Variants in SYTL2 observed in about 807,000 individuals in gnomAD.
SYTL2 encodes synaptotagmin like 2.
In SYTL2, 165 loss-of-function variants were observed where a neutral mutation model predicts 198.7. The ratio of observed to expected loss-of-function variants is 0.83; its 90% CI spans 0.73 to 0.94. SYTL2 has a LOEUF of 0.94. Ranked by LOEUF, SYTL2 falls within the 40% of genes least tolerant of loss-of-function variation. SYTL2 has a pLI of 0.00. For synonymous variants in SYTL2, 966 were observed against 917.7 expected (o/e 1.05, Z -0.95); for missense variants, 2,835 against 2,582.8 (o/e 1.10, Z -2.12).
Position 85,704,910 on chromosome 11 carries a change from T to C in SYTL2, c.6137A>G (p.Asp2046Gly). 1 of 1,613,790 alleles carries C rather than the reference T, an allele frequency of 6.2e-7. No homozygotes were observed. The highest frequency in any genetic ancestry group is 2.2e-5 in the East Asian group (1 of 44,858). ...TTGTTTATTCTGTTTGTTATCCCAG[T>C]CCCATGTTTCCAAATCAAGTTCCAC... ...GEVELDLETW[D>G]WDNKQNKQLR... Residue 2046 changes from aspartate to glycine, a missense_variant, in exon 16 of 20, where the codon GAC becomes GGC. Physicochemically the swap from Asp to Gly is moderately conservative, Grantham distance 94. Around this residue, in one of 3 missense-constraint regions of SYTL2, gnomAD observed 2,645 missense variants for 2,381.7 expected, o/e 1.11. Transcript: ENST00000359152.
At chr11:85,777,844 G>A (rs539087620) in intron 1 of SYTL2, among the ~76,000 whole-genome samples, 6 of 48,410 alleles carry the variant, frequency 1.2e-4, no homozygotes, top group South Asian at 5.7e-4. Context: ...TTTTGAGACC[G>A]AGTTTTGCTC....
chr11:85,783,003 C>T (rs1307831335), intron 1 of SYTL2, among the ~76,000 whole-genome samples: 1 of 152,232 alleles, frequency 6.6e-6, no homozygotes, highest in East Asian at 1.9e-4. Context: ...CTGTCTGTTA[C>T]ACAGTTCCAA....
At chr11:85,729,369 A>C (rs647175) in intron 7 of SYTL2, among the ~76,000 whole-genome samples, 105,516 of 152,070 alleles carry the variant, frequency 0.69, 37,348 homozygotes, top group African/African-American at 0.83. Flanking sequence ...ATGCAAAAGA[A>C]TAGAAATAAT....
rs188331567 is a variant in SYTL2, at chr11:85,774,241, T to A, written c.-389-16127A>T. 1.0e-3 allele frequency among the ~76,000 whole-genome samples: 152 copies of A among 152,340 alleles called. 1 individual carries two copies. The highest frequency in any genetic ancestry group is 3.5e-3 in the African/African-American group (145 of 41,574). On this transcript the variant is annotated intron_variant, in intron 1 of 19. Coordinates refer to ENST00000359152, the MANE Select transcript of SYTL2 (RefSeq NM_206927.4). ...TGACATTTAATCTTTCTCCAATACC[T>A]TTTTTAATCTTTACACACATTTTCT...
the SYTL2 span, among the ~76,000 whole-genome samples, chr11:85,839,399 G>A: frequency 6.6e-6 from 1 of 152,136 alleles, no homozygotes; most frequent in Non-Finnish European, 1.5e-5. Context: ...CCTCCCAGCA[G>A]CACATCTGAA....
chr11:85,796,316 A>C (rs1183845130), intron 1 of SYTL2, among the ~76,000 whole-genome samples: 2 of 152,212 alleles, frequency 1.3e-5, no homozygotes, highest in Admixed American at 6.5e-5. Context: ...CACCCAGCTG[A>C]TATCTGACAC....
In SYTL2 at chr11:85,724,053, C is replaced by G; in HGVS notation, c.5305G>C (p.Glu1769Gln). The G allele has an allele frequency of 6.6e-7, 1 of 1,503,920 alleles. No homozygotes were observed. The highest frequency in any genetic ancestry group is 8.8e-7 in the Non-Finnish European group (1 of 1,134,324). The allele number at this position is 1,503,920 out of a possible 1,614,324, so 93.2% of individuals were successfully genotyped here. Residue 1769 changes from glutamate to glutamine, a missense_variant, in exon 8 of 20, where the codon GAG becomes CAG. Physicochemically the swap from Glu to Gln is conservative, Grantham distance 29. Around this residue, in one of 3 missense-constraint regions of SYTL2, gnomAD observed 2,645 missense variants for 2,381.7 expected, o/e 1.11. Coordinates refer to ENST00000359152, the MANE Select transcript of SYTL2 (RefSeq NM_206927.4). ...FSDGNTSSNA[E>Q]SWRNPSSSEE... ...TCACTGGAAGGATTTCTCCAGCTCT[C>G]TGCATTAGAACTGGTGTTTCCATCT... is the stretch of plus-strand genomic sequence containing the variant.
the SYTL2 span, among the ~76,000 whole-genome samples, chr11:85,850,113 C>A: frequency 1.4e-5 from 2 of 146,406 alleles, no homozygotes; most frequent in Admixed American, 1.4e-4. Context: ...TATAAGAATG[C>A]TTGTGATTTT....
intron 2 of SYTL2, among the ~76,000 whole-genome samples, chr11:85,754,501 TA>T (rs2091741007): frequency 6.6e-6 from 1 of 152,204 alleles, no homozygotes; most frequent in Admixed American, 6.5e-5. Context: ...GATTAAAAAT[TA>T]TTTTTAATTT....
In SYTL2 at chr11:85,725,128, G is replaced by T; in HGVS notation, c.4230C>A (p.Pro1410=). Residue 1410 remains proline (P), a synonymous_variant, in exon 8 of 20, where the codon CCC becomes CCA. Transcript: ENST00000359152. ...GTGATATCACTCCTGGAGGATTTAG[G>T]GGGCTACATACTGGCTGTACTGCTT... The part of the protein sequence containing the change: ...FPEAVQPVCS[P]LNPPGVISPW... 1 of 1,614,092 alleles carries T rather than the reference G, an allele frequency of 6.2e-7. No individual in the cohort carries two copies. Among genetic ancestry groups the T allele is most frequent in the Non-Finnish European group, 8.5e-7 (1 of 1,179,978 alleles).
intron 14 of SYTL2, among the ~76,000 whole-genome samples, chr11:85,708,531 T>C (rs1389795300): frequency 1.3e-5 from 2 of 152,176 alleles, no homozygotes; most frequent in East Asian, 3.8e-4. Context: ...TTTTAGTAAT[T>C]TCCCCTAAAG....
chr11:85,847,132 T>C, the SYTL2 span, among the ~76,000 whole-genome samples: 1 of 152,224 alleles, frequency 6.6e-6, no homozygotes, highest in Non-Finnish European at 1.5e-5. Flanking sequence ...TTAACAAATC[T>C]ATACACCCTT....
At chr11:85,812,347 C>G (rs562228058), upstream of SYTL2, among the ~76,000 whole-genome samples, 8 of 152,288 alleles carry the variant, frequency 5.3e-5, no homozygotes, top group Non-Finnish European at 8.8e-5. Flanking sequence ...TCAGTTAGTG[C>G]CCAGTGCAGG....
At chr11:85,848,895 GA>G in the SYTL2 span, among the ~76,000 whole-genome samples, 293 of 151,536 alleles carry the variant, frequency 1.9e-3, 1 homozygote, top group African/African-American at 6.8e-3. Flanking sequence ...AAGTAAGAAG[GA>G]AAAAAAAGAC....
At chr11:85,842,402 C>T in the SYTL2 span, among the ~76,000 whole-genome samples, 1 of 152,226 alleles carries the variant, frequency 6.6e-6, no homozygotes. Flanking sequence ...GAGTTAACCA[C>T]CCAGCTTCCT....
chr11:85,756,790 A>T (rs1292439820), intron 2 of SYTL2, among the ~76,000 whole-genome samples: 1 of 152,232 alleles, frequency 6.6e-6, no homozygotes, highest in Non-Finnish European at 1.5e-5. Flanking sequence ...CAAGATACGG[A>T]AATGGTAAAA....
chr11:85,768,879 A>G lies in SYTL2; in HGVS notation c.-389-10765T>C, dbSNP rs539334018. Among the ~76,000 whole-genome samples the G allele has an allele frequency of 4.6e-5, 7 of 152,300 alleles. No individual in the cohort carries two copies. In the South Asian group the frequency reaches 1.5e-3, roughly 32 times the overall value. On this transcript the variant is annotated intron_variant, in intron 1 of 19. Transcript: ENST00000359152. Reference sequence around the variant, plus strand: ...CCTGGACCCCAATCTCAGAGAATCAAAAGCCAAGAGTTTGATATCTTGGTC... The same window carrying G: ...CCTGGACCCCAATCTCAGAGAATCAGAAGCCAAGAGTTTGATATCTTGGTC...
chr11:85,791,067 G>A lies in SYTL2; in HGVS notation c.-390+19887C>T, dbSNP rs181863745. 1.6e-4 allele frequency among the ~76,000 whole-genome samples: 24 copies of A among 148,394 alleles called. No individual in the cohort carries two copies. The East Asian group carries it at 2.4e-3, about 15-fold the overall frequency. ...CTGTAATCCCGGCTACTTGGGAGGC[G>A]GAGGCAGGAAAATTGCTTGAACCCC... On this transcript the variant is annotated intron_variant, in intron 1 of 19. Transcript: ENST00000359152.
rs189936985 is a variant in SYTL2 at position 85,709,507 on chromosome 11, G to A, written c.5746-7C>T. 2.4e-3 allele frequency: 3,908 copies of A among 1,612,764 alleles called. 6 individuals carry two copies. The highest frequency in any genetic ancestry group is 2.7e-3 in the Non-Finnish European group (3,231 of 1,179,598). On this transcript the variant is annotated splice_region_variant and splice_polypyrimidine_tract_variant and intron_variant, in intron 13 of 19. Transcript: ENST00000359152. ...TCATCACACTGCCACTCACCTGAAAGCATCAGAAATACATAGTGTTTGTCT... is the reference window on the plus strand; with the variant it reads ...TCATCACACTGCCACTCACCTGAAAACATCAGAAATACATAGTGTTTGTCT...
Sources: gnomAD v4.1 joint callset for allele counts (sites outside exome capture counted in the v4.1 genomes callset) on GRCh38, gnomAD v4.1.1 for gene constraint, gnomAD v4.1.1 regional missense constraint, MANE v1.5 for transcripts, NCBI Gene and HGNC (gene_info 2026-07-23, HGNC 2026-07-21) for gene names.